Variants in DLX6 observed in about 807,000 individuals in gnomAD.
The protein encoded by DLX6 is distal-less homeobox 6.
Under a neutral mutation model 33.5 loss-of-function variants are expected in DLX6, and 4 were observed. The ratio of observed to expected loss-of-function variants is 0.12; its 90% CI spans 0.06 to 0.27. The LOEUF (loss-of-function observed/expected upper bound fraction) is 0.27, where lower values mean the gene tolerates loss of function less well. Among genes scored for constraint, DLX6 ranks in the 10% least tolerant of loss-of-function variants. The pLI is 1.00. For synonymous variants in DLX6, 184 were observed against 164.8 expected, an observed-to-expected ratio of 1.12 and a Z score of -0.89; for missense variants, 382 against 393.3, an observed-to-expected ratio of 0.97 and a Z score of 0.24.
At chr7:97,009,481 T>G (rs1039388802) in intron 2 of DLX6, among the ~76,000 whole-genome samples, 3 of 152,214 alleles carry the variant, frequency 2.0e-5, no homozygotes, top group Admixed American at 6.5e-5. Flanking sequence ...TAAAAATCCT[T>G]TAGGCTTTGG....
rs1789707944 is a variant in DLX6 at position 97,006,050 on chromosome 7, G to GGGCAGCAGCAGCAGCAGCAGCAGC, written c.74_97dup (p.Gln32_Gln33insArgGlnGlnGlnGlnGlnGlnGln). 1 of 1,587,122 alleles carries GGGCAGCAGCAGCAGCAGCAGCAGC rather than the reference G, an allele frequency of 6.3e-7. No individual in the cohort carries two copies. The highest frequency in any genetic ancestry group is 8.6e-7 in the Non-Finnish European group (1 of 1,167,512). ...GTCCAAATCCGCCTTCATGGAGTTC[G>GGGCAGCAGCAGCAGCAGCAGCAGC]GGCAGCAGCAGCAGCAGCAGCAGCA... On this transcript the variant is annotated inframe_insertion, in exon 1 of 3. Transcript: ENST00000518156.
intron 1 of DLX6, 158 bp from the exon 2 acceptor site, chr7:97,007,480 A>G (rs939775072): frequency 1.0e-4 from 74 of 715,188 alleles, no homozygotes; most frequent in Middle Eastern, 2.9e-4. Flanking sequence ...CTGGGAGCAC[A>G]CGGGCAGAGT....
At position 97,005,842 on chromosome 7, in the gene DLX6, T is replaced by TC; in HGVS notation, c.-135dup. ...ACCACCTCCACCCCCCTCTTTAAAT[T>TC]CTTTTTTTTTTTTTTTTTTTTTTTT... On this transcript the variant is annotated 5_prime_UTR_variant, in exon 1 of 3. Coordinates refer to ENST00000518156, the MANE Select transcript of DLX6 (RefSeq NM_005222.4). 1.7e-6 allele frequency: 1 copy of TC among 601,820 alleles called. No homozygotes were observed. The highest frequency in any genetic ancestry group is 2.5e-6 in the Non-Finnish European group (1 of 393,292). The allele number at this position is 601,820 out of a possible 1,614,324, so 37.3% of individuals were successfully genotyped here. A position where few individuals can be genotyped will look rare whatever the true frequency, so the allele number is the denominator to read the frequency against.
At position 97,010,214 on chromosome 7, in the gene DLX6, C is replaced by A; in HGVS notation, c.*167C>A. 1 of 670,766 alleles carries A rather than the reference C, an allele frequency of 1.5e-6. No homozygotes were observed. The highest frequency in any genetic ancestry group is 2.4e-6 in the Non-Finnish European group (1 of 424,012). 41.6% of individuals were successfully genotyped at this position (670,766 alleles called of 1,614,324 possible). ...TCTCCCTCTCTCTCTCTCTCCCTCT[C>A]CTTTCTTTTTACTTCTTCCTTTCCT... is the stretch of plus-strand genomic sequence containing the variant. On this transcript the variant is annotated 3_prime_UTR_variant, in exon 3 of 3. Coordinates refer to ENST00000518156, the MANE Select transcript of DLX6 (RefSeq NM_005222.4).
rs1584153930 is a variant in DLX6 at position 97,005,673 on chromosome 7, C to A, written c.-305C>A. The A allele has an allele frequency of 5.5e-6, 1 of 180,242 alleles. No individual in the cohort carries two copies. The highest frequency in any genetic ancestry group is 1.2e-4 in the East Asian group (1 of 8,130). 11.2% of individuals were successfully genotyped at this position (180,242 alleles called of 1,614,324 possible). On this transcript the variant is annotated 5_prime_UTR_variant, in exon 1 of 3. Transcript: ENST00000518156. The stretch of plus-strand genomic sequence containing the variant: ...AAAAAATCCAAGGGGGGAAAGCAGG[C>A]GGGGGGAGAGCAGATTCCCCCCTCC...
rs1379209096 is a variant in DLX6, at chr7:97,005,995, G to T, written c.18G>T (p.Thr6=). The T allele has an allele frequency of 1.9e-6, 3 of 1,595,616 alleles. No individual in the cohort carries two copies. Among genetic ancestry groups the T allele is most frequent in the Non-Finnish European group, 1.7e-6 (2 of 1,171,116 alleles). Residue 6 remains threonine (T), a synonymous_variant, in exon 1 of 3, where the codon ACG becomes ACT. Coordinates refer to ENST00000518156, the MANE Select transcript of DLX6 (RefSeq NM_005222.4). Reference sequence around the variant, plus strand: ...AGTTTTTGATGATGACCATGACTACGATGGCTGACGGCTTGGAAGGCCAGG... The same window carrying T: ...AGTTTTTGATGATGACCATGACTACTATGGCTGACGGCTTGGAAGGCCAGG... The part of the protein sequence containing the change: MMTMT[T]MADGLEGQDS...
In DLX6 at chr7:97,006,310, C is replaced by G. The variant is rs749816102; in HGVS notation, c.333C>G (p.Arg111=). The change falls in exon 1 of 3, where the codon CGC becomes CGG. Residue 111 remains arginine, a synonymous_variant. Coordinates refer to ENST00000518156, the MANE Select transcript of DLX6 (RefSeq NM_005222.4). The part of the protein sequence containing the change: ...ASGGGNSYNH[R]SLAAYPYMSH... ...GCGGAGGGAACTCCTACAACCACCG[C>G]TCGCTCGCCGCCTACCCCTACATGA... The G allele has an allele frequency of 8.5e-6, 13 of 1,524,732 alleles. No homozygotes were observed. The East Asian group carries it at 1.8e-4, about 22-fold the overall frequency. The allele number at this position is 1,524,732 out of a possible 1,614,324, so 94.5% of individuals were successfully genotyped here.
rs990430896 is a variant in DLX6 at position 97,007,394 on chromosome 7, G to A, written c.437-244G>A. On this transcript the variant is annotated intron_variant, in intron 1 of 2. Transcript: ENST00000518156. ...CGGCAAAGCGGGCTGTTTGTCTGAG[G>A]GCCTCTGGCGCTCCCTTGGCCCAGA... 20 of 601,118 alleles carry A rather than the reference G, an allele frequency of 3.3e-5. No individual in the cohort carries two copies. The African/African-American group carries it at 3.3e-4, about 10-fold the overall frequency. 37.2% of individuals were successfully genotyped at this position (601,118 alleles called of 1,614,324 possible).
chr7:97,010,125 G>A lies in DLX6; in HGVS notation c.*78G>A. 6.6e-7 allele frequency: 1 copy of A among 1,509,278 alleles called. No individual in the cohort carries two copies. The highest frequency in any genetic ancestry group is 8.9e-7 in the Non-Finnish European group (1 of 1,121,044). The allele number at this position is 1,509,278 out of a possible 1,614,324, so 93.5% of individuals were successfully genotyped here. A position where few individuals can be genotyped will look rare whatever the true frequency, so the allele number is the denominator to read the frequency against. ...GGGACCTGCTTGTATCTGCGAAAAG[G>A]AGCCAAAGGAGCAGGCTTAGGAGAG... is the stretch of plus-strand genomic sequence containing the variant. On this transcript the variant is annotated 3_prime_UTR_variant, in exon 3 of 3. Transcript: ENST00000518156.
At chr7:97,006,506 C>T in intron 1 of DLX6, 93 bp downstream of exon 1, 1 of 1,208,752 alleles carries the variant, frequency 8.3e-7, no homozygotes, top group Non-Finnish European at 1.0e-6. Context: ...GGGCCTCCGC[C>T]GGCCCCCTCC....
chr7:97,009,708 T>A, intron 2 of DLX6, 88 bp from the exon 3 acceptor site: 1 of 1,531,390 alleles, frequency 6.5e-7, no homozygotes, highest in Non-Finnish European at 8.8e-7. Flanking sequence ...GTTTTTTTGC[T>A]TTTTTAATAT....
Position 97,006,268 on chromosome 7 carries a change from C to G in DLX6, c.291C>G (p.Gly97=). ...ACCACCACCAGCACCACCACCACGGCTCGCCCTACGCGTCGGGCGGAGGGA... is the reference window on the plus strand; with the variant it reads ...ACCACCACCAGCACCACCACCACGGGTCGCCCTACGCGTCGGGCGGAGGGA... The part of the protein sequence containing the change: ...HHHHHQHHHH[G]SPYASGGGNS... Residue 97 remains glycine (G), a synonymous_variant, in exon 1 of 3, where the codon GGC becomes GGG. Coordinates refer to ENST00000518156, the MANE Select transcript of DLX6 (RefSeq NM_005222.4). 1 of 1,529,812 alleles carries G rather than the reference C, an allele frequency of 6.5e-7. No individual in the cohort carries two copies. Among genetic ancestry groups the G allele is most frequent in the Non-Finnish European group, 8.8e-7 (1 of 1,136,318 alleles). 94.8% of individuals were successfully genotyped at this position (1,529,812 alleles called of 1,614,324 possible).
In DLX6 at chr7:97,010,999, T is replaced by C. The variant is rs191071332; in HGVS notation, c.*952T>C. 8.3e-3 allele frequency: 1,270 copies of C among 152,720 alleles called. 4 individuals are homozygous for C. The highest frequency in any genetic ancestry group is 0.017 in the Middle Eastern group (5 of 296). 9.5% of individuals were successfully genotyped at this position (152,720 alleles called of 1,614,324 possible). A position where few individuals can be genotyped will look rare whatever the true frequency, so the allele number is the denominator to read the frequency against. ...AGTTGTACATATACTTTGTATGTTTTTGTCTTCTTTCATATATGGAGTAAA... is the reference window on the plus strand; with the variant it reads ...AGTTGTACATATACTTTGTATGTTTCTGTCTTCTTTCATATATGGAGTAAA... On this transcript the variant is annotated 3_prime_UTR_variant, in exon 3 of 3. Transcript: ENST00000518156.
At position 97,006,015 on chromosome 7, in the gene DLX6, G is replaced by T. The variant is rs762516814; in HGVS notation, c.38G>T (p.Gly13Val). ...TMTTMADGLEGQDSSKSAFME... is the reference protein window; with the variant it reads ...TMTTMADGLEVQDSSKSAFME... ...ACTACGATGGCTGACGGCTTGGAAG[G>T]CCAGGACTCGTCCAAATCCGCCTTC... The change falls in exon 1 of 3, where the codon GGC becomes GTC. Residue 13 changes from glycine (G) to valine (V), a missense_variant. This residue lies in a region of DLX6 where 257 missense variants were observed against 206.9 expected (regional missense o/e 1.24). Transcript: ENST00000518156. 490 of 1,598,928 alleles carry T rather than the reference G, an allele frequency of 3.1e-4. 2 individuals are homozygous for T. Among genetic ancestry groups the T allele is most frequent in the Non-Finnish European group, 1.4e-5 (16 of 1,173,432 alleles).
At position 97,009,942 on chromosome 7, in the gene DLX6, C is replaced by T. The variant is rs1196908361; in HGVS notation, c.777C>T (p.Ala259=). The T allele has an allele frequency of 3.1e-6, 5 of 1,613,818 alleles. No individual in the cohort carries two copies. Among genetic ancestry groups the T allele is most frequent in the Non-Finnish European group, 4.2e-6 (5 of 1,179,860 alleles). Residue 259 remains alanine, a synonymous_variant, in exon 3 of 3, where the codon GCC becomes GCT. Coordinates refer to ENST00000518156, the MANE Select transcript of DLX6 (RefSeq NM_005222.4). ...TGCCTCCAGTCTGGGACGTTTCTGCCTCGGCCAAGGGTGTCAGTATGCCCC... is the reference window on the plus strand; with the variant it reads ...TGCCTCCAGTCTGGGACGTTTCTGCTTCGGCCAAGGGTGTCAGTATGCCCC... ...PALPPVWDVS[A]SAKGVSMPPN...
At chr7:97,007,471 T>C in intron 1 of DLX6, 167 bp from the exon 2 acceptor site, 1 of 697,268 alleles carries the variant, frequency 1.4e-6, no homozygotes, top group Middle Eastern at 3.1e-4. Context: ...ACGCAGACGC[T>C]GGGAGCACAC....
At chr7:97,007,296 C>T in intron 1 of DLX6, 1 of 579,434 alleles carries the variant, frequency 1.7e-6, no homozygotes, top group Non-Finnish European at 3.1e-6. Flanking sequence ...GGCACAGGGG[C>T]CCCGCTCCGC....
In DLX6 at chr7:97,009,874, C is replaced by A. The variant is rs1399558412; in HGVS notation, c.709C>A (p.Pro237Thr). 1.2e-6 allele frequency: 2 copies of A among 1,613,814 alleles called. No individual in the cohort carries two copies. Among genetic ancestry groups the A allele is most frequent in the African/African-American group, 1.3e-5 (1 of 74,898 alleles). ...GGGCAGTAATCCTCATGAGAGCGAC[C>A]CCCTCCAGGGCTCGGCGGCCCTGTC... ...KQGSNPHESD[P>T]LQGSAALSPR... The change falls in exon 3 of 3, where the codon CCC (proline) becomes ACC (threonine). Residue 237 changes from proline to threonine, a missense_variant. Coordinates refer to ENST00000518156, the MANE Select transcript of DLX6 (RefSeq NM_005222.4).
chr7:97,010,189 T>TCTCC lies in DLX6; in HGVS notation c.*146_*149dup. On this transcript the variant is annotated 3_prime_UTR_variant, in exon 3 of 3. Transcript: ENST00000518156. ...CAAGAAGCCGACTAGGCTCATTCTCTCTCCCTCTCTCTCTCTCTCCCTCTC... is the reference window on the plus strand; with the variant it reads ...CAAGAAGCCGACTAGGCTCATTCTCTCTCCCTCCCTCTCTCTCTCTCTCCCTCTC... 1.2e-6 allele frequency: 1 copy of TCTCC among 827,886 alleles called. No homozygotes were observed. The highest frequency in any genetic ancestry group is 1.8e-6 in the Non-Finnish European group (1 of 555,852). The allele number at this position is 827,886 out of a possible 1,614,324, so 51.3% of individuals were successfully genotyped here.
Sources: gnomAD v4.1 joint callset for allele counts (sites outside exome capture counted in the v4.1 genomes callset) on GRCh38, gnomAD v4.1.1 for gene constraint, gnomAD v4.1.1 regional missense constraint, MANE v1.5 for transcripts, NCBI Gene and HGNC (gene_info 2026-07-23, HGNC 2026-07-21) for gene names.